TMEM132D: variants seen among roughly 807,000 people sequenced by gnomAD.
TMEM132D encodes the protein mature OL transmembrane protein.
In TMEM132D, 21 loss-of-function variants were observed where a neutral mutation model predicts 62.3. That is an observed-to-expected ratio of 0.34 (90% confidence interval 0.24 to 0.49). The LOEUF (loss-of-function observed/expected upper bound fraction) is 0.49, where lower values mean the gene tolerates loss of function less well. TMEM132D is among the 20% of genes least tolerant of loss of function. TMEM132D has a pLI of 0.99. For synonymous variants in TMEM132D, 621 were observed against 575.6 expected (o/e 1.08, Z -1.13); for missense variants, 1,346 against 1,402.8 (o/e 0.96, Z 0.65).
At chr12:129,591,141 CAGA>C (rs1306275183) in intron 2 of TMEM132D, among the ~76,000 whole-genome samples, 3 of 152,122 alleles carry the variant, frequency 2.0e-5, no homozygotes, top group Non-Finnish European at 4.4e-5. Context: ...GAATAGCAGG[CAGA>C]AGGACTGGAA....
rs577465847 is a variant in TMEM132D at position 129,329,856 on chromosome 12, T to A, written c.1299+7778A>T. Among the ~76,000 whole-genome samples, 67 of 152,250 alleles carry A rather than the reference T, an allele frequency of 4.4e-4. No homozygotes were observed. In the South Asian group the frequency reaches 0.011, roughly 24 times the overall value. Reference sequence around the variant, plus strand: ...CCAGGAGAATACATCCCAAAGATTCTGAAGATGAGGGGAGAGTATGGTTGG... The same window carrying A: ...CCAGGAGAATACATCCCAAAGATTCAGAAGATGAGGGGAGAGTATGGTTGG... On this transcript the variant is annotated intron_variant, in intron 4 of 8. Transcript: ENST00000422113.
At chr12:129,605,309 C>A (rs1466894862) in intron 2 of TMEM132D, among the ~76,000 whole-genome samples, 1 of 152,030 alleles carries the variant, frequency 6.6e-6, no homozygotes, top group African/African-American at 2.4e-5. Flanking sequence ...TGGCTCATTA[C>A]TGACTCATGT....
intron 4 of TMEM132D, among the ~76,000 whole-genome samples, chr12:129,214,097 T>C (rs1879135753): frequency 6.6e-6 from 1 of 152,184 alleles, no homozygotes; most frequent in South Asian, 2.1e-4. Flanking sequence ...AGACTTCTAC[T>C]ATTTCAAAGG....
chr12:129,151,044 G>A (rs1029187712), intron 5 of TMEM132D, among the ~76,000 whole-genome samples: 5 of 152,110 alleles, frequency 3.3e-5, no homozygotes, highest in Non-Finnish European at 7.4e-5. Flanking sequence ...TCATGGATGT[G>A]GTCACGTCAC....
At chr12:129,431,165 A>C (rs60711368) in intron 3 of TMEM132D, among the ~76,000 whole-genome samples, 1 of 152,166 alleles carries the variant, frequency 6.6e-6, no homozygotes. Context: ...TTTAGTTCTC[A>C]CAAGTAGCCC....
At chr12:129,890,809 A>G (rs1429572949) in intron 1 of TMEM132D, among the ~76,000 whole-genome samples, 1 of 152,100 alleles carries the variant, frequency 6.6e-6, no homozygotes, top group Non-Finnish European at 1.5e-5. Context: ...TACGTTTATA[A>G]TTTGTCCTCA....
rs559180601 is a variant in TMEM132D at position 129,868,350 on chromosome 12, T to C, written c.79+34911A>G. On this transcript the variant is annotated intron_variant, in intron 1 of 8. Coordinates refer to ENST00000422113, the MANE Select transcript of TMEM132D (RefSeq NM_133448.3). ...CCAATAACTATATACTTGAAACGGG[T>C]ACATTTTATGATATGCTAATTATAC... 1.1e-4 allele frequency among the ~76,000 whole-genome samples: 17 copies of C among 152,326 alleles called. No individual in the cohort carries two copies. The East Asian group carries it at 3.1e-3, about 28-fold the overall frequency.
At chr12:129,285,364 CAA>C (rs10706680) in intron 4 of TMEM132D, among the ~76,000 whole-genome samples, 395 of 143,228 alleles carry the variant, frequency 2.8e-3, no homozygotes, top group African/African-American at 5.5e-3. Flanking sequence ...ACTAAAAGTA[CAA>C]AAAAAAAAAA....
chr12:129,363,765 A>G (rs1391379957), intron 3 of TMEM132D, among the ~76,000 whole-genome samples: 1 of 152,220 alleles, frequency 6.6e-6, no homozygotes, highest in Non-Finnish European at 1.5e-5. Context: ...TAGAATGTCA[A>G]TTAATTTCTT....
At chr12:129,386,591 C>T (rs1472030325) in intron 3 of TMEM132D, among the ~76,000 whole-genome samples, 1 of 151,864 alleles carries the variant, frequency 6.6e-6, no homozygotes, top group Non-Finnish European at 1.5e-5. Flanking sequence ...AATGCCAACA[C>T]TATCACTAAC....
intron 3 of TMEM132D, among the ~76,000 whole-genome samples, chr12:129,426,787 C>T (rs191236156): frequency 1.7e-4 from 26 of 152,212 alleles, no homozygotes; most frequent in African/African-American, 2.2e-4. Flanking sequence ...AGAGGAAAAC[C>T]GAGGCACAGA....
chr12:129,351,326 G>C lies in TMEM132D; in HGVS notation c.1116-13509C>G, dbSNP rs181114334. Among the ~76,000 whole-genome samples, 10 of 152,182 alleles carry C rather than the reference G, an allele frequency of 6.6e-5. No homozygotes were observed. In the East Asian group the frequency reaches 1.8e-3, roughly 27 times the overall value. On this transcript the variant is annotated intron_variant, in intron 3 of 8. Transcript: ENST00000422113. Reference sequence around the variant, plus strand: ...GGCATCTCAGTGGTTCTATCCGATGGCTATATTTTCCCCACAGGCACCTAC... The same window carrying C: ...GGCATCTCAGTGGTTCTATCCGATGCCTATATTTTCCCCACAGGCACCTAC...
At position 129,890,499 on chromosome 12, in the gene TMEM132D, C is replaced by T. The variant is rs528766507; in HGVS notation, c.79+12762G>A. Among the ~76,000 whole-genome samples the T allele has an allele frequency of 1.1e-3, 170 of 152,294 alleles. 1 individual carries two copies. The highest frequency in any genetic ancestry group is 1.9e-3 in the Non-Finnish European group (129 of 68,026). The stretch of plus-strand genomic sequence containing the variant: ...TGGTACTCAAGGAGTCTAGCTGCTA[C>T]CTCCTATGCTCTAATAAAACTGTCT... On this transcript the variant is annotated intron_variant, in intron 1 of 8. Transcript: ENST00000422113.
At chr12:129,215,598 A>G (rs1879177953) in intron 4 of TMEM132D, among the ~76,000 whole-genome samples, 1 of 152,208 alleles carries the variant, frequency 6.6e-6, no homozygotes, top group Admixed American at 6.5e-5. Context: ...GTTAAACCGC[A>G]TCTTGTGACT....
chr12:129,321,839 G>A (rs1025938517), intron 4 of TMEM132D, among the ~76,000 whole-genome samples: 10 of 152,224 alleles, frequency 6.6e-5, no homozygotes, highest in African/African-American at 2.2e-4. Context: ...GATTACAGGC[G>A]TGAGCCACTG....
chr12:129,133,795 C>T (rs556257834), intron 5 of TMEM132D, among the ~76,000 whole-genome samples: 9 of 152,304 alleles, frequency 5.9e-5, no homozygotes, highest in African/African-American at 1.7e-4. Context: ...TCCTTGTACG[C>T]GCCAATTAGG....
rs1054952603 is a variant in TMEM132D, at chr12:129,714,809, C to T, written c.80-14111G>A. Among the ~76,000 whole-genome samples, 4 of 152,188 alleles carry T rather than the reference C, an allele frequency of 2.6e-5. 1 individual carries two copies. Among genetic ancestry groups the T allele is most frequent in the African/African-American group, 4.8e-5 (2 of 41,434 alleles). On this transcript the variant is annotated intron_variant, in intron 1 of 8. Coordinates refer to ENST00000422113, the MANE Select transcript of TMEM132D (RefSeq NM_133448.3). Reference sequence around the variant, plus strand: ...GAAAATAACTCAGAGTTCTGTCTCACGGTCGGAAGCCCACAGGCCTGCCCT... The same window carrying T: ...GAAAATAACTCAGAGTTCTGTCTCATGGTCGGAAGCCCACAGGCCTGCCCT...
chr12:129,760,376 G>A (rs1870321763), intron 1 of TMEM132D, among the ~76,000 whole-genome samples: 1 of 130,596 alleles, frequency 7.7e-6, no homozygotes, highest in South Asian at 2.7e-4. Context: ...CTTTTGCCCA[G>A]GCTAGAGTGC....
intron 5 of TMEM132D, among the ~76,000 whole-genome samples, chr12:129,207,277 G>C (rs1485647934): frequency 6.6e-6 from 1 of 151,540 alleles, no homozygotes; most frequent in Non-Finnish European, 1.5e-5. Flanking sequence ...ATGGAGTTTA[G>C]ATTCCAATGA....
Sources: gnomAD v4.1 joint callset for allele counts (sites outside exome capture counted in the v4.1 genomes callset) on GRCh38, gnomAD v4.1.1 for gene constraint, MANE v1.5 for transcripts, NCBI Gene and HGNC (gene_info 2026-07-23, HGNC 2026-07-21) for gene names.